BANK1: variants seen among roughly 807,000 people sequenced by gnomAD.
The protein encoded by BANK1 is B cell scaffold protein with ankyrin repeats 1.
Under a neutral mutation model 94.5 loss-of-function variants are expected in BANK1, and 95 were observed. The observed-to-expected ratio is 1.00, with a 90% CI of 0.85 to 1.19. BANK1 has a LOEUF of 1.19. Ranked by LOEUF, BANK1 falls within the 50% of genes most tolerant of loss-of-function variation. The pLI is 0.00. For synonymous variants in BANK1, 334 were observed against 308.4 expected, an observed-to-expected ratio of 1.08 and a Z score of -0.87; for missense variants, 987 against 932.2, an observed-to-expected ratio of 1.06 and a Z score of -0.77.
At chr4:101,836,830 T>C (rs990079799) in intron 2 of BANK1, among the ~76,000 whole-genome samples, 1 of 152,216 alleles carries the variant, frequency 6.6e-6, no homozygotes, top group Non-Finnish European at 1.5e-5. Flanking sequence ...GAATTATTAT[T>C]TCACAATAAA....
chr4:101,885,246 A>T (rs1174219059), intron 5 of BANK1, among the ~76,000 whole-genome samples: 1 of 152,216 alleles, frequency 6.6e-6, no homozygotes. Flanking sequence ...CAAAGTTCTC[A>T]GCATGTAATT....
chr4:101,911,186 T>C (rs543765387), intron 6 of BANK1, among the ~76,000 whole-genome samples: 1 of 152,282 alleles, frequency 6.6e-6, no homozygotes. Context: ...GCCACTTTGC[T>C]AGTCCCCAGA....
At chr4:101,934,454 G>T (rs1723460316) in intron 7 of BANK1, among the ~76,000 whole-genome samples, 3 of 151,374 alleles carry the variant, frequency 2.0e-5, no homozygotes, top group Admixed American at 2.0e-4. Flanking sequence ...TCATCCCTTT[G>T]ATGGAAATAA....
At chr4:101,948,133 A>C (rs1723998584) in intron 7 of BANK1, among the ~76,000 whole-genome samples, 1 of 152,116 alleles carries the variant, frequency 6.6e-6, no homozygotes, top group African/African-American at 2.4e-5. Flanking sequence ...CTTGGTTTTT[A>C]AGAAATCCTG....
At chr4:101,936,687 A>C (rs983240737) in intron 7 of BANK1, among the ~76,000 whole-genome samples, 7 of 151,622 alleles carry the variant, frequency 4.6e-5, no homozygotes, top group Non-Finnish European at 1.0e-4. Context: ...AGACATACAA[A>C]TAACAGACAT....
intron 1 of BANK1, among the ~76,000 whole-genome samples, chr4:101,803,882 C>T (rs1203829038): frequency 1.3e-5 from 2 of 148,350 alleles, no homozygotes; most frequent in Admixed American, 6.7e-5. Flanking sequence ...CCTGTAGTCC[C>T]AGCTACTTGG....
intron 11 of BANK1, among the ~76,000 whole-genome samples, chr4:102,052,341 C>T (rs528758171): frequency 8.9e-4 from 135 of 152,022 alleles, no homozygotes; most frequent in Non-Finnish European, 1.8e-3. Flanking sequence ...TGGTCTGGAT[C>T]TCTTGACCTC....
At chr4:102,007,877 C>T (rs62322738) in intron 7 of BANK1, among the ~76,000 whole-genome samples, 59,573 of 151,922 alleles carry the variant, frequency 0.39, 12,896 homozygotes, top group South Asian at 0.53. Context: ...ATAATTTTCT[C>T]CATTATTCAA....
chr4:101,790,841 C>G lies in BANK1; in HGVS notation c.-40C>G. ...CCGGGAGAGTCCAGGTAGCGCTCGG[C>G]GGGCAGCAGTGCGCAGGCCCCTCGG... On this transcript the variant is annotated 5_prime_UTR_variant, in exon 1 of 17. Transcript: ENST00000322953. 1.3e-6 allele frequency: 2 copies of G among 1,527,568 alleles called. No homozygotes were observed. The highest frequency in any genetic ancestry group is 1.8e-6 in the Non-Finnish European group (2 of 1,138,548). The allele number at this position is 1,527,568 out of a possible 1,614,324, so 94.6% of individuals were successfully genotyped here.
At chr4:102,007,094 TATA>T (rs1377794410) in intron 7 of BANK1, among the ~76,000 whole-genome samples, 1 of 76,564 alleles carries the variant, frequency 1.3e-5, no homozygotes. Context: ...ATATATATAA[TATA>T]TTTATATATA....
At chr4:101,870,754 A>C in intron 5 of BANK1, 110 bp downstream of exon 5, 1 of 1,220,472 alleles carries the variant, frequency 8.2e-7, no homozygotes. Context: ...ATAACAGTGA[A>C]TTACTACCAA....
At chr4:102,042,260 A>G (rs914361691) in intron 10 of BANK1, among the ~76,000 whole-genome samples, 1 of 152,108 alleles carries the variant, frequency 6.6e-6, no homozygotes, top group Non-Finnish European at 1.5e-5. Flanking sequence ...ATAGTCATAC[A>G]TTATATATTC....
chr4:102,005,139 A>C (rs1412740456), intron 7 of BANK1, among the ~76,000 whole-genome samples: 1 of 152,078 alleles, frequency 6.6e-6, no homozygotes, highest in Non-Finnish European at 1.5e-5. Context: ...ATAGATGTTC[A>C]ATGGTCTCTG....
At chr4:102,023,355 T>C (rs988359652) in intron 8 of BANK1, among the ~76,000 whole-genome samples, 1 of 152,178 alleles carries the variant, frequency 6.6e-6, no homozygotes, top group Admixed American at 6.5e-5. Flanking sequence ...CATCTTATCA[T>C]TTAAATTATA....
chr4:102,072,730 A>G (rs1446256429), intron 15 of BANK1, among the ~76,000 whole-genome samples: 1 of 152,234 alleles, frequency 6.6e-6, no homozygotes, highest in Non-Finnish European at 1.5e-5. Flanking sequence ...TTGAATCACA[A>G]TGTATACAGT....
At chr4:102,041,618 A>C (rs1449218482) in intron 10 of BANK1, among the ~76,000 whole-genome samples, 2 of 152,008 alleles carry the variant, frequency 1.3e-5, no homozygotes, top group Non-Finnish European at 2.9e-5. Flanking sequence ...GGGAACCTTT[A>C]AACTCTGGGC....
At chr4:101,841,288 T>G (rs1485872334) in intron 2 of BANK1, among the ~76,000 whole-genome samples, 1 of 152,196 alleles carries the variant, frequency 6.6e-6, no homozygotes, top group Non-Finnish European at 1.5e-5. Flanking sequence ...GTTAACATTT[T>G]GGCATATTTC....
chr4:101,858,519 T>A (rs72927164), intron 3 of BANK1, among the ~76,000 whole-genome samples: 3,873 of 152,292 alleles, frequency 0.025, 61 homozygotes, highest in African/African-American at 0.045. Flanking sequence ...TTTAAATATA[T>A]CATTTTCCCT....
chr4:101,906,991 G>C (rs1038093713), intron 6 of BANK1, among the ~76,000 whole-genome samples: 6 of 152,144 alleles, frequency 3.9e-5, no homozygotes, highest in African/African-American at 4.8e-5. Flanking sequence ...CCCGAACAGA[G>C]ATTTACCCAC....
Sources: allele counts gnomAD v4.1 joint callset (sites outside exome capture counted in the v4.1 genomes callset), GRCh38; gene constraint gnomAD v4.1.1; transcripts MANE v1.5; gene names NCBI Gene and HGNC (gene_info 2026-07-23, HGNC 2026-07-21).